Variants in ZNF98 observed in about 807,000 individuals in gnomAD.
The protein encoded by ZNF98 is zinc finger protein 739.
A neutral mutation model predicts 12.8 loss-of-function variants in ZNF98; 8 were observed. The observed-to-expected ratio is 0.63, with a 90% CI of 0.37 to 1.13. The LOEUF (loss-of-function observed/expected upper bound fraction) is 1.13. Among genes scored for constraint, ZNF98 ranks in the 50% most tolerant of loss-of-function variants. The pLI is 0.01. For missense variants in ZNF98, 379 were observed against 666.1 expected (o/e 0.57, Z 4.74); for synonymous variants, 112 against 223.5 (o/e 0.50, Z 4.45).
chr19:22,405,709 G>C (rs1205694335), intron 1 of ZNF98, among the ~76,000 whole-genome samples: 1 of 152,186 alleles, frequency 6.6e-6, no homozygotes, highest in Non-Finnish European at 1.5e-5. Flanking sequence ...AGTTCCCAGG[G>C]GAGGGGTGAC....
At chr19:22,406,782 A>G (rs528135152) in intron 1 of ZNF98, among the ~76,000 whole-genome samples, 5 of 151,492 alleles carry the variant, frequency 3.3e-5, no homozygotes, top group Admixed American at 2.6e-4. Flanking sequence ...GCGCCACTGC[A>G]CTCCAGCCTG....
intron 1 of ZNF98, among the ~76,000 whole-genome samples, chr19:22,417,474 A>G (rs2145123367): frequency 6.6e-6 from 1 of 152,162 alleles, no homozygotes; most frequent in South Asian, 2.1e-4. Context: ...CCAAAAATAA[A>G]AGTTAAAAAG....
chr19:22,409,295 T>C (rs1969555221), intron 1 of ZNF98, among the ~76,000 whole-genome samples: 1 of 152,100 alleles, frequency 6.6e-6, no homozygotes, highest in African/African-American at 2.4e-5. Flanking sequence ...TTACTCAAGA[T>C]GGATTAAAGA....
At chr19:22,400,304 C>T (rs544695061) in intron 3 of ZNF98, among the ~76,000 whole-genome samples, 1 of 152,278 alleles carries the variant, frequency 6.6e-6, no homozygotes, top group South Asian at 2.1e-4. Context: ...ATGGCAAGTT[C>T]TGCCTATGTA....
Position 22,408,028 on chromosome 19 carries a change from G to A in ZNF98, c.31-4516C>T, listed in dbSNP as rs143626724. On this transcript the variant is annotated intron_variant, in intron 1 of 3. Coordinates refer to ENST00000357774, the MANE Select transcript of ZNF98 (RefSeq NM_001098626.2). ...AGAGGTTGCAGTGAGCCGAGATCAC[G>A]CCACTGCACTGGACAACAAGTGCGA... is the stretch of plus-strand genomic sequence containing the variant. 6.3e-3 allele frequency among the ~76,000 whole-genome samples: 964 copies of A among 152,162 alleles called. 6 individuals are homozygous for A. Among genetic ancestry groups the A allele is most frequent in the Middle Eastern group, 0.024 (7 of 294 alleles).
In ZNF98 at chr19:22,392,983, T is replaced by G; in HGVS notation, c.254-2A>C. 4 of 1,493,556 alleles carry G rather than the reference T, an allele frequency of 2.7e-6. No individual in the cohort carries two copies. The highest frequency in any genetic ancestry group is 3.6e-6 in the Non-Finnish European group (4 of 1,125,324). 92.5% of individuals were successfully genotyped at this position (1,493,556 alleles called of 1,614,324 possible). A position where few individuals can be genotyped will look rare whatever the true frequency, so the allele number is the denominator to read the frequency against. On this transcript the variant is annotated splice_acceptor_variant, in intron 3 of 3. Transcript: ENST00000357774. LOFTEE classifies it high-confidence loss of function. ...CTTGGGCAAAATAAGAATATACAACTGAAAGAAATAAAAATAATAAATTAC... is the reference window on the plus strand; with the variant it reads ...CTTGGGCAAAATAAGAATATACAACGGAAAGAAATAAAAATAATAAATTAC...
intron 3 of ZNF98, among the ~76,000 whole-genome samples, chr19:22,401,638 C>T (rs556366613): frequency 2.0e-5 from 3 of 151,702 alleles, no homozygotes; most frequent in Admixed American, 2.0e-4. Flanking sequence ...CGCCTGTCAC[C>T]ACGCCTGACT....
intron 3 of ZNF98, among the ~76,000 whole-genome samples, chr19:22,400,721 A>G (rs1469064693): frequency 1.3e-5 from 2 of 152,044 alleles, no homozygotes; most frequent in Non-Finnish European, 2.9e-5. Context: ...TTGGGAGGCC[A>G]AGGCGGGTGG....
chr19:22,409,033 C>G (rs1164507371), intron 1 of ZNF98, among the ~76,000 whole-genome samples: 1 of 152,180 alleles, frequency 6.6e-6, no homozygotes, highest in Non-Finnish European at 1.5e-5. Context: ...TACCTGACTT[C>G]AAGCTATACT....
rs546232057 is a variant in ZNF98, at chr19:22,406,244, G to A, written c.31-2732C>T. On this transcript the variant is annotated intron_variant, in intron 1 of 3. Coordinates refer to ENST00000357774, the MANE Select transcript of ZNF98 (RefSeq NM_001098626.2). ...CTGGCATCAGATTGTTGTTCCTTGA[G>A]GTCAGGCAGCCCAGAGGAAGGAGAA... Among the ~76,000 whole-genome samples the A allele has an allele frequency of 7.9e-5, 12 of 152,042 alleles. No homozygotes were observed. The East Asian group carries it at 2.3e-3, about 30-fold the overall frequency.
chr19:22,402,998 T>G (rs1969476342), intron 2 of ZNF98, 114 bp from the exon 3 acceptor site: 9 of 964,926 alleles, frequency 9.3e-6, no homozygotes, highest in Non-Finnish European at 1.3e-5. Context: ...TCCAAAATAC[T>G]AATACACAAC....
At chr19:22,411,578 A>G (rs112950139) in intron 1 of ZNF98, among the ~76,000 whole-genome samples, 4 of 152,344 alleles carry the variant, frequency 2.6e-5, no homozygotes, top group African/African-American at 9.6e-5. Context: ...AAACAAAGCT[A>G]TGAATCTCAG....
At chr19:22,395,685 C>T (rs1969383462) in intron 3 of ZNF98, among the ~76,000 whole-genome samples, 1 of 151,848 alleles carries the variant, frequency 6.6e-6, no homozygotes, top group Non-Finnish European at 1.5e-5. Flanking sequence ...TTAGGATACA[C>T]ACACAGATAT....
chr19:22,407,223 A>C (rs1442680025), intron 1 of ZNF98, among the ~76,000 whole-genome samples: 1 of 151,464 alleles, frequency 6.6e-6, no homozygotes, highest in African/African-American at 2.4e-5. Context: ...TGACCAGCTA[A>C]TTTTTCTACG....
chr19:22,401,485 A>ATTTTTT (rs71180540), intron 3 of ZNF98, among the ~76,000 whole-genome samples: 1 of 145,024 alleles, frequency 6.9e-6, no homozygotes, highest in Non-Finnish European at 1.5e-5. Context: ...GATTGAAAGA[A>ATTTTTT]TTTTTTTTTT....
chr19:22,416,696 G>A (rs1459400062), intron 1 of ZNF98, among the ~76,000 whole-genome samples: 1 of 151,276 alleles, frequency 6.6e-6, no homozygotes, highest in African/African-American at 2.4e-5. Flanking sequence ...AGGTTGCAGT[G>A]AGCCAAGATC....
Position 22,392,938 on chromosome 19 carries a change from G to T in ZNF98, c.297C>A (p.Gly99=), listed in dbSNP as rs745622663. The change falls in exon 4 of 4, where the codon GGC becomes GGA. Residue 99 remains glycine (G), a synonymous_variant. Coordinates refer to ENST00000357774, the MANE Select transcript of ZNF98 (RefSeq NM_001098626.2). The part of the protein sequence containing the change: ...YFAQDLWPKQ[G]KKNYFQKVIL... ...TCACTTTTTGGAAATAATTTTTTTT[G>T]CCCTGCTTTGGCCAAAGGTCTTGGG... 2 of 1,570,062 alleles carry T rather than the reference G, an allele frequency of 1.3e-6. No homozygotes were observed. The highest frequency in any genetic ancestry group is 4.5e-5 in the East Asian group (2 of 44,506).
At chr19:22,422,049 G>A (rs1969710328) in intron 1 of ZNF98, 146 bp downstream of exon 1, 4 of 1,023,108 alleles carry the variant, frequency 3.9e-6, no homozygotes, top group South Asian at 1.3e-5. Flanking sequence ...TCGCTGAAGG[G>A]GACTGAGGCC....
At chr19:22,408,416 G>A (rs1969545653) in intron 1 of ZNF98, among the ~76,000 whole-genome samples, 1 of 152,080 alleles carries the variant, frequency 6.6e-6, no homozygotes, top group African/African-American at 2.4e-5. Context: ...CATTCTTATT[G>A]AACATAGTAT....
Sources: allele counts gnomAD v4.1 joint callset (sites outside exome capture counted in the v4.1 genomes callset), GRCh38; gene constraint gnomAD v4.1.1; transcripts MANE v1.5; gene names NCBI Gene and HGNC (gene_info 2026-07-23, HGNC 2026-07-21).